The following NKAIN1 variants were observed in gnomAD, a reference collection of about 807,000 sequenced individuals.
The protein encoded by NKAIN1 is sodium/potassium transporting ATPase interacting 1.
In NKAIN1, 13 loss-of-function variants were observed where a neutral mutation model predicts 31.6. The observed-to-expected ratio is 0.41, with a 90% CI of 0.27 to 0.65. The LOEUF (loss-of-function observed/expected upper bound fraction) is 0.65. NKAIN1 is among the 30% of genes least tolerant of loss of function. The probability of loss-of-function intolerance (pLI) is 0.30; values close to 1 mark genes in which losing one functional copy is unlikely to be tolerated. For missense variants in NKAIN1, 193 were observed against 262.2 expected, an observed-to-expected ratio of 0.74 and a Z score of 1.82; for synonymous variants, 104 against 109.0, an observed-to-expected ratio of 0.95 and a Z score of 0.28.
chr1:31,222,917 G>A (rs932688827), intron 1 of NKAIN1, among the ~76,000 whole-genome samples: 3 of 152,192 alleles, frequency 2.0e-5, no homozygotes, highest in African/African-American at 7.2e-5. Context: ...TAGGGTTACT[G>A]CAGGACCAAC....
chr1:31,183,863 T>C lies in NKAIN1; in HGVS notation c.425A>G (p.Tyr142Cys). ...VISVTGCLLDYPYIEALSSAL... is the reference protein window; with the variant it reads ...VISVTGCLLDCPYIEALSSAL... The stretch of plus-strand genomic sequence containing the variant: ...GCTGCTGAGGGCTTCAATGTAGGGG[T>C]AGTCAAGCAGGCAGCCAGTGACAGA... Residue 142 changes from tyrosine (Y) to cysteine (C), a missense_variant, in exon 4 of 7, where the codon TAC becomes TGC. Transcript: ENST00000373736. 1.2e-6 allele frequency: 2 copies of C among 1,613,800 alleles called. No individual in the cohort carries two copies. Among genetic ancestry groups the C allele is most frequent in the African/African-American group, 1.3e-5 (1 of 74,910 alleles).
At chr1:31,217,922 T>G (rs941079215) in intron 1 of NKAIN1, among the ~76,000 whole-genome samples, 5 of 152,136 alleles carry the variant, frequency 3.3e-5, no homozygotes, top group African/African-American at 1.2e-4. Flanking sequence ...GAGGACTCCA[T>G]TCAGCAAACA....
intron 1 of NKAIN1, among the ~76,000 whole-genome samples, chr1:31,234,298 G>C (rs1458098985): frequency 1.3e-5 from 2 of 152,224 alleles, no homozygotes; most frequent in South Asian, 4.1e-4. Flanking sequence ...GAAGCCGTGA[G>C]CTTGCAGCTG....
chr1:31,234,192 C>CA (rs1384222924), intron 1 of NKAIN1, among the ~76,000 whole-genome samples: 2 of 152,150 alleles, frequency 1.3e-5, no homozygotes, highest in African/African-American at 4.8e-5. Context: ...GTATGAGGAA[C>CA]AAAAGGGGCC....
intron 1 of NKAIN1, among the ~76,000 whole-genome samples, chr1:31,215,359 C>T (rs1022315174): frequency 2.6e-5 from 4 of 152,298 alleles, no homozygotes; most frequent in East Asian, 1.9e-4. Context: ...CCCAGCATCC[C>T]GCTTCTCTTT....
chr1:31,190,794 C>A (rs1352205053), intron 1 of NKAIN1, among the ~76,000 whole-genome samples: 2 of 152,184 alleles, frequency 1.3e-5, no homozygotes, highest in African/African-American at 4.8e-5. Flanking sequence ...CTGCTCCTAT[C>A]CCACACTTCC....
chr1:31,222,018 A>T (rs1227899307), intron 1 of NKAIN1, among the ~76,000 whole-genome samples: 1 of 152,118 alleles, frequency 6.6e-6, no homozygotes, highest in Non-Finnish European at 1.5e-5. Context: ...AGCTGGAATT[A>T]CAGGCGCCCA....
chr1:31,199,633 C>A (rs979349110), intron 1 of NKAIN1, among the ~76,000 whole-genome samples: 54 of 152,232 alleles, frequency 3.5e-4, no homozygotes, highest in African/African-American at 1.3e-3. Flanking sequence ...CCTCCCTCTC[C>A]CCATCTCCGG....
chr1:31,187,312 T>C (rs1012570364), intron 2 of NKAIN1, among the ~76,000 whole-genome samples: 1 of 152,082 alleles, frequency 6.6e-6, no homozygotes, highest in African/African-American at 2.4e-5. Context: ...GCAGGGAATA[T>C]GGGTGAATCT....
Position 31,237,478 on chromosome 1 carries a change from G to A in NKAIN1, c.54+2016C>T, listed in dbSNP as rs184726922. ...GCTAACAGGTTCACCTTTGGGGAGG[G>A]GTCTAGTTATAGAGAGAAGAAAACT... On this transcript the variant is annotated intron_variant, in intron 1 of 6. Coordinates refer to ENST00000373736, the MANE Select transcript of NKAIN1 (RefSeq NM_024522.3). 3.5e-3 allele frequency among the ~76,000 whole-genome samples: 536 copies of A among 151,396 alleles called. 3 individuals carry two copies. Among genetic ancestry groups the A allele is most frequent in the Middle Eastern group, 0.01 (3 of 294 alleles).
chr1:31,182,118 T>A (rs1645207034), intron 5 of NKAIN1, among the ~76,000 whole-genome samples, 177 bp from the exon 6 acceptor site: 1 of 151,712 alleles, frequency 6.6e-6, no homozygotes, highest in Admixed American at 6.6e-5. Flanking sequence ...GGGCGGGGCT[T>A]CGGCTGGACC....
intron 1 of NKAIN1, among the ~76,000 whole-genome samples, chr1:31,213,468 T>C (rs1241626149): frequency 6.6e-6 from 1 of 152,176 alleles, no homozygotes; most frequent in Non-Finnish European, 1.5e-5. Flanking sequence ...CTCTCATGTG[T>C]TGCTGGTGGA....
At chr1:31,228,287 C>T (rs1645622935) in intron 1 of NKAIN1, among the ~76,000 whole-genome samples, 1 of 152,180 alleles carries the variant, frequency 6.6e-6, no homozygotes, top group Non-Finnish European at 1.5e-5. Flanking sequence ...AATCCTTATC[C>T]TGAAAATCTC....
Position 31,220,381 on chromosome 1 carries a change from C to CA in NKAIN1, c.54+19112dup, listed in dbSNP as rs1443903751. On this transcript the variant is annotated intron_variant, in intron 1 of 6. Transcript: ENST00000373736. ...CTCACCATCTGTGTCCCAACATGAT[C>CA]ACTGATAGCATCTGAGTCCACATGG... Among the ~76,000 whole-genome samples the CA allele has an allele frequency of 3.3e-5, 5 of 152,142 alleles. No individual in the cohort carries two copies. The East Asian group carries it at 9.7e-4, about 29-fold the overall frequency.
At chr1:31,221,241 G>A (rs930082238) in intron 1 of NKAIN1, among the ~76,000 whole-genome samples, 4 of 152,148 alleles carry the variant, frequency 2.6e-5, no homozygotes, top group Non-Finnish European at 5.9e-5. Flanking sequence ...TTAGGGACAC[G>A]GAAGTGGTAA....
intron 1 of NKAIN1, among the ~76,000 whole-genome samples, chr1:31,228,948 C>T (rs1381338200): frequency 6.6e-6 from 1 of 152,076 alleles, no homozygotes; most frequent in East Asian, 1.9e-4. Context: ...GTTATCAGCC[C>T]CCACCCCTGC....
rs912794898 is a variant in NKAIN1, at chr1:31,181,707, C to A, written c.620G>T (p.Gly207Val). 1.3e-6 allele frequency: 2 copies of A among 1,484,616 alleles called. No homozygotes were observed. Among genetic ancestry groups the A allele is most frequent in the East Asian group, 2.5e-5 (1 of 40,358 alleles). The allele number at this position is 1,484,616 out of a possible 1,614,324, so 92.0% of individuals were successfully genotyped here. A position where few individuals can be genotyped will look rare whatever the true frequency, so the allele number is the denominator to read the frequency against. ...GGGGTGGGCGCGGGGCAGAGGCTAC[C>A]CCGACCTGCGGGAAACAAAGGCAGG... ...HLQLQPLYTS[G>V] The change falls in exon 7 of 7, where the codon GGG (glycine) becomes GTG (valine). Residue 207 changes from glycine (G) to valine (V), a missense_variant. Transcript: ENST00000373736.
chr1:31,226,156 G>T (rs1214514020), intron 1 of NKAIN1, among the ~76,000 whole-genome samples: 1 of 152,256 alleles, frequency 6.6e-6, no homozygotes, highest in African/African-American at 2.4e-5. Flanking sequence ...CTTCATTACA[G>T]ATGAAGAAAC....
rs556015264 is a variant in NKAIN1, at chr1:31,188,542, G to A, written c.55-355C>T. On this transcript the variant is annotated intron_variant, in intron 1 of 6. Transcript: ENST00000373736. ...GGAGGGCAAGGAAGTCCTGGAGCCC[G>A]AGTCACCTCTTCCAAGGATCCCCAT... is the stretch of plus-strand genomic sequence containing the variant. 7.2e-5 allele frequency: 16 copies of A among 221,298 alleles called. No individual in the cohort carries two copies. In the East Asian group the frequency reaches 1.4e-3, roughly 20 times the overall value. 13.7% of individuals were successfully genotyped at this position (221,298 alleles called of 1,614,324 possible). A position where few individuals can be genotyped will look rare whatever the true frequency, so the allele number is the denominator to read the frequency against.
Sources: gnomAD v4.1 joint callset for allele counts (sites outside exome capture counted in the v4.1 genomes callset) on GRCh38, gnomAD v4.1.1 for gene constraint, MANE v1.5 for transcripts, NCBI Gene and HGNC (gene_info 2026-07-23, HGNC 2026-07-21) for gene names.